The following MAP4K3 variants were observed in gnomAD, a reference collection of about 807,000 sequenced individuals.
The protein encoded by MAP4K3 is mitogen-activated protein kinase kinase kinase kinase 3, also known as MAPK/ERK kinase kinase kinase 3.
A neutral mutation model predicts 143.5 loss-of-function variants in MAP4K3; 94 were observed. That is an observed-to-expected ratio of 0.65 (90% CI 0.55 to 0.78). The LOEUF (loss-of-function observed/expected upper bound fraction) is 0.78, where lower values mean the gene tolerates loss of function less well. Among genes scored for constraint, MAP4K3 ranks in the 30% least tolerant of loss-of-function variants. MAP4K3 has a pLI of 0.00. For missense variants in MAP4K3, 1,077 were observed against 1,068.1 expected (o/e 1.01, Z -0.12); for synonymous variants, 416 against 347.2 (o/e 1.20, Z -2.20).
At chr2:39,316,580 A>C (rs1426432162) in intron 12 of MAP4K3, among the ~76,000 whole-genome samples, 1 of 152,108 alleles carries the variant, frequency 6.6e-6, no homozygotes, top group Non-Finnish European at 1.5e-5. Flanking sequence ...TCATGTAAAA[A>C]AGGAGAAAGG....
intron 12 of MAP4K3, 26 bp from the exon 13 acceptor site, chr2:39,315,414 T>G: frequency 6.9e-7 from 1 of 1,444,330 alleles, no homozygotes; most frequent in Non-Finnish European, 9.7e-7. Flanking sequence ...ATCAATGATA[T>G]GCAGCATTTG....
chr2:39,274,026 C>G (rs890571756), intron 24 of MAP4K3, among the ~76,000 whole-genome samples: 3 of 152,130 alleles, frequency 2.0e-5, no homozygotes, highest in African/African-American at 7.2e-5. Context: ...GTATCTGATA[C>G]TACATCGATG....
chr2:39,435,839 C>G (rs981787199), intron 1 of MAP4K3, among the ~76,000 whole-genome samples: 1 of 152,196 alleles, frequency 6.6e-6, no homozygotes, highest in Non-Finnish European at 1.5e-5. Flanking sequence ...TCCAGAAAAT[C>G]AGACTAAAGC....
intron 3 of MAP4K3, among the ~76,000 whole-genome samples, chr2:39,351,460 T>C (rs1031569475): frequency 6.6e-6 from 1 of 152,262 alleles, no homozygotes; most frequent in Admixed American, 6.5e-5. Context: ...TTACGATTAT[T>C]TGCTCATGCC....
In MAP4K3 at chr2:39,315,338, T is replaced by G; in HGVS notation, c.969A>C (p.Arg323Ser). 6.2e-7 allele frequency: 1 copy of G among 1,612,426 alleles called. No homozygotes were observed. The highest frequency in any genetic ancestry group is 8.5e-7 in the Non-Finnish European group (1 of 1,178,914). ...HRIHSTSRNV[R>S]EEKTRSEITF... The stretch of plus-strand genomic sequence containing the variant: ...TTATCTCTGAGCGTGTTTTTTCTTC[T>G]CTCACGTTTCTACTTGTTGAGTGAA... The change falls in exon 13 of 34, where the codon AGA (arginine) becomes AGC (serine). Residue 323 changes from arginine (R) to serine (S), a missense_variant. Coordinates refer to ENST00000263881, the MANE Select transcript of MAP4K3 (RefSeq NM_003618.4).
intron 1 of MAP4K3, among the ~76,000 whole-genome samples, chr2:39,386,820 C>CTTTTTTTTTTTTTTTTTTTTTT (rs56011585): frequency 1.4e-5 from 2 of 139,130 alleles, no homozygotes; most frequent in African/African-American, 2.8e-5. Context: ...TTTTGTTGTT[C>CTTTTTTTTTTTTTTTTTTTTTT]TTTTTTTTTT....
At chr2:39,306,124 G>A (rs961210951) in intron 15 of MAP4K3, among the ~76,000 whole-genome samples, 6 of 152,142 alleles carry the variant, frequency 3.9e-5, no homozygotes, top group South Asian at 2.1e-4. Context: ...CACCGTGCCC[G>A]GCTGAGTATT....
chr2:39,346,114 T>A (rs1460905594), intron 3 of MAP4K3, among the ~76,000 whole-genome samples: 1 of 152,164 alleles, frequency 6.6e-6, no homozygotes, highest in East Asian at 1.9e-4. Context: ...AGCTGCCCAG[T>A]GGCCTGGTAT....
At chr2:39,395,510 T>A (rs764755346) in intron 1 of MAP4K3, among the ~76,000 whole-genome samples, 1 of 152,238 alleles carries the variant, frequency 6.6e-6, no homozygotes, top group East Asian at 1.9e-4. Flanking sequence ...TAATTTGACC[T>A]CATGAGGCTA....
In MAP4K3 at chr2:39,436,851, G is replaced by A. The variant is rs757173897; in HGVS notation, c.96+41C>T. The A allele has an allele frequency of 5.5e-5, 86 of 1,554,406 alleles. No individual in the cohort carries two copies. The African/African-American group carries it at 1.1e-3, about 20-fold the overall frequency. On this transcript the variant is annotated intron_variant, in intron 1 of 33. Coordinates refer to ENST00000263881, the MANE Select transcript of MAP4K3 (RefSeq NM_003618.4). Reference sequence around the variant, plus strand: ...GGACGCCCAGGCTTGGCTGCGGGTCGGGATCCCACGGCCTCGGCGGCGCGC... The same window carrying A: ...GGACGCCCAGGCTTGGCTGCGGGTCAGGATCCCACGGCCTCGGCGGCGCGC...
intron 27 of MAP4K3, 71 bp downstream of exon 27, chr2:39,267,118 G>A: frequency 7.2e-7 from 1 of 1,382,920 alleles, no homozygotes; most frequent in Non-Finnish European, 1.0e-6. Context: ...AATGCCCTGG[G>A]GTAGTACTGT....
rs1028593298 is a variant in MAP4K3, at chr2:39,315,219, A to G, written c.997+91T>C. On this transcript the variant is annotated intron_variant, in intron 13 of 33. Transcript: ENST00000263881. ...TTAACAGTGTTTAGTAAGAAAAACTATTCAGAAGGAAATAAAACAAAAATA... is the reference window on the plus strand; with the variant it reads ...TTAACAGTGTTTAGTAAGAAAAACTGTTCAGAAGGAAATAAAACAAAAATA... 7.3e-6 allele frequency: 6 copies of G among 817,540 alleles called. No homozygotes were observed. In the Admixed American group the frequency reaches 1.6e-4, roughly 22 times the overall value. 50.6% of individuals were successfully genotyped at this position (817,540 alleles called of 1,614,324 possible).
chr2:39,387,793 T>C (rs538412674), intron 1 of MAP4K3, among the ~76,000 whole-genome samples: 2 of 152,358 alleles, frequency 1.3e-5, no homozygotes, highest in Non-Finnish European at 2.9e-5. Flanking sequence ...ATCTTTACAA[T>C]AGCCTCTCTT....
chr2:39,275,853 T>C (rs1252192801), intron 24 of MAP4K3, among the ~76,000 whole-genome samples: 1 of 152,188 alleles, frequency 6.6e-6, no homozygotes, highest in Non-Finnish European at 1.5e-5. Context: ...CTTTCCATTT[T>C]ATTTGTAATC....
intron 21 of MAP4K3, among the ~76,000 whole-genome samples, chr2:39,286,270 C>A (rs887756918): frequency 1.3e-5 from 2 of 152,236 alleles, no homozygotes; most frequent in Admixed American, 1.3e-4. Context: ...CTACGAGAAT[C>A]TAATGCTGCA....
intron 24 of MAP4K3, 27 bp from the exon 25 acceptor site, chr2:39,272,569 C>G (rs1473328528): frequency 6.3e-7 from 1 of 1,585,826 alleles, no homozygotes. Flanking sequence ...ACAAAGTTTA[C>G]AAAGAATAAT....
chr2:39,416,817 G>A (rs773593425), intron 1 of MAP4K3, among the ~76,000 whole-genome samples: 1 of 152,190 alleles, frequency 6.6e-6, no homozygotes, highest in Non-Finnish European at 1.5e-5. Flanking sequence ...ATTTTTGGCA[G>A]TATAGCCGAA....
At chr2:39,291,381 T>C (rs1348946474) in intron 18 of MAP4K3, among the ~76,000 whole-genome samples, 1 of 152,188 alleles carries the variant, frequency 6.6e-6, no homozygotes, top group Non-Finnish European at 1.5e-5. Context: ...TTATATCAAC[T>C]GAAAGGTAAA....
At chr2:39,346,548 TC>T (rs983719328) in intron 3 of MAP4K3, among the ~76,000 whole-genome samples, 13 of 152,192 alleles carry the variant, frequency 8.5e-5, no homozygotes, top group African/African-American at 3.1e-4. Context: ...TTAGGTTTAA[TC>T]CACACCCTTG....
Sources: gnomAD v4.1 joint callset for allele counts (sites outside exome capture counted in the v4.1 genomes callset) on GRCh38, gnomAD v4.1.1 for gene constraint, MANE v1.5 for transcripts, NCBI Gene and HGNC (gene_info 2026-07-23, HGNC 2026-07-21) for gene names.